The following ATP10D variants were observed in gnomAD, a reference collection of about 807,000 sequenced individuals.
ATP10D encodes the protein phospholipid-transporting ATPase VD.
In ATP10D, 89 loss-of-function variants were observed where a neutral mutation model predicts 144.8. The observed-to-expected ratio is 0.61, with a 90% CI of 0.52 to 0.73. The LOEUF is 0.73. Among genes scored for constraint, ATP10D ranks in the 30% least tolerant of loss-of-function variants. ATP10D has a pLI of 0.00. For synonymous variants in ATP10D, 571 were observed against 615.1 expected, an observed-to-expected ratio of 0.93 and a Z score of 1.06; for missense variants, 1,603 against 1,714.8, an observed-to-expected ratio of 0.93 and a Z score of 1.15.
At chr4:47,488,479 T>A (rs1372492758) in intron 1 of ATP10D, among the ~76,000 whole-genome samples, 1 of 151,976 alleles carries the variant, frequency 6.6e-6, no homozygotes, top group African/African-American at 2.4e-5. Context: ...GAAAATGTAT[T>A]CCTAGGTGGT....
Position 47,591,210 on chromosome 4 carries a change from G to A in ATP10D, c.4110G>A (p.Lys1370=), listed in dbSNP as rs752875766. 13 of 1,613,642 alleles carry A rather than the reference G, an allele frequency of 8.1e-6. No homozygotes were observed. Among genetic ancestry groups the A allele is most frequent in the Non-Finnish European group, 9.3e-6 (11 of 1,179,646 alleles). Residue 1370 remains lysine, a synonymous_variant, in exon 23 of 23, where the codon AAG becomes AAA. Transcript: ENST00000273859. ...TSKYANQSAG[K]SGRRPMPGPS... is the part of the protein sequence containing the mutation. ...AGTATGCTAACCAATCAGCTGGCAA[G>A]TCAGGAAGAAGACCCATGCCTGGCC...
At chr4:47,544,070 A>G (rs1718295391) in intron 9 of ATP10D, among the ~76,000 whole-genome samples, 1 of 152,242 alleles carries the variant, frequency 6.6e-6, no homozygotes, top group African/African-American at 2.4e-5. Context: ...TAACATATAT[A>G]GGTAGATTCA....
intron 5 of ATP10D, among the ~76,000 whole-genome samples, chr4:47,533,664 A>G (rs1475818579): frequency 6.6e-6 from 1 of 152,192 alleles, no homozygotes; most frequent in Non-Finnish European, 1.5e-5. Context: ...GTTGCTCTGT[A>G]TTTTTGCCAC....
At chr4:47,559,101 G>A (rs935074404) in intron 13 of ATP10D, 72 bp downstream of exon 13, 61 of 1,199,658 alleles carry the variant, frequency 5.1e-5, no homozygotes, top group South Asian at 1.9e-4. Context: ...GAAAACCAGC[G>A]TGTAGCAAAC....
intron 9 of ATP10D, among the ~76,000 whole-genome samples, chr4:47,545,099 G>T (rs1351697633): frequency 2.0e-5 from 3 of 152,226 alleles, no homozygotes; most frequent in Non-Finnish European, 4.4e-5. Flanking sequence ...GGGACATGGG[G>T]CTTAGATCTG....
At position 47,587,151 on chromosome 4, in the gene ATP10D, G is replaced by A; in HGVS notation, c.3886G>A (p.Asp1296Asn). 6.2e-7 allele frequency: 1 copy of A among 1,614,064 alleles called. No homozygotes were observed. The highest frequency in any genetic ancestry group is 8.5e-7 in the Non-Finnish European group (1 of 1,179,950). ...PYWIMQEHML[D>N]PVFYLVCILT... ...CTGGATTATGCAGGAGCACATGCTG[G>A]ATCCAGTATTCTACTTAGTTTGTAT... Residue 1296 changes from aspartate to asparagine, a missense_variant, in exon 22 of 23, where the codon GAT becomes AAT. Physicochemically the swap from Asp to Asn is conservative, Grantham distance 23 (BLOSUM62 1). Coordinates refer to ENST00000273859, the MANE Select transcript of ATP10D (RefSeq NM_020453.4).
rs532632251 is a variant in ATP10D, at chr4:47,569,113, C to T, written c.3130C>T (p.Arg1044Cys). 13 of 1,613,862 alleles carry T rather than the reference C, an allele frequency of 8.1e-6. No individual in the cohort carries two copies. Among genetic ancestry groups the T allele is most frequent in the African/African-American group, 5.3e-5 (4 of 75,034 alleles). The change falls in exon 16 of 23, where the codon CGC becomes TGC. Residue 1044 changes from arginine (R) to cysteine (C), a missense_variant. By Grantham distance (180) the Arg-to-Cys change is radical. Coordinates refer to ENST00000273859, the MANE Select transcript of ATP10D (RefSeq NM_020453.4). ...LQKSEVVKLVRSHLQVMTLAI... is the reference protein window; with the variant it reads ...LQKSEVVKLVCSHLQVMTLAI... ...GAAAAGTGAAGTGGTGAAATTGGTC[C>T]GCAGCCATCTCCAGGTGATGACCCT... is the stretch of plus-strand genomic sequence containing the variant.
intron 10 of ATP10D, among the ~76,000 whole-genome samples, chr4:47,549,182 T>C (rs1718595145): frequency 6.6e-6 from 1 of 152,242 alleles, no homozygotes; most frequent in South Asian, 2.1e-4. Context: ...TTTAATCTTC[T>C]GGAGTTTTTC....
chr4:47,510,857 A>G (rs769287496), intron 1 of ATP10D, among the ~76,000 whole-genome samples: 2 of 152,222 alleles, frequency 1.3e-5, no homozygotes, highest in African/African-American at 4.8e-5. Context: ...GCTTCCTTTT[A>G]AAGTTTCCAG....
chr4:47,525,752 G>A (rs2109413241), intron 5 of ATP10D, 110 bp downstream of exon 5: 1 of 907,842 alleles, frequency 1.1e-6, no homozygotes, highest in Admixed American at 2.6e-5. Flanking sequence ...ATCACTAAAG[G>A]TCGTAACTTT....
At chr4:47,572,326 G>C (rs1320665782) in intron 17 of ATP10D, 96 bp downstream of exon 17, 2 of 1,123,656 alleles carry the variant, frequency 1.8e-6, no homozygotes. Flanking sequence ...GAGTGAGGCT[G>C]TGTGTGGCTA....
intron 15 of ATP10D, among the ~76,000 whole-genome samples, chr4:47,565,033 A>T (rs1427249585): frequency 1.3e-5 from 2 of 152,204 alleles, no homozygotes; most frequent in Non-Finnish European, 2.9e-5. Context: ...ATCTCGGCTC[A>T]CTGCAAGCTC....
intron 2 of ATP10D, 120 bp downstream of exon 2, chr4:47,512,950 A>C (rs35634995): frequency 0.28 from 269,939 of 968,850 alleles, 39,782 homozygotes; most frequent in Admixed American, 0.35. Context: ...CATCCTTGAC[A>C]ATTTTGATAC....
intron 2 of ATP10D, 81 bp from the exon 3 acceptor site, chr4:47,515,395 A>G: frequency 8.7e-7 from 1 of 1,145,052 alleles, no homozygotes; most frequent in South Asian, 1.6e-5. Context: ...AAACTTACAG[A>G]AAAACAATAT....
chr4:47,543,165 G>A (rs1272186538), intron 9 of ATP10D, among the ~76,000 whole-genome samples: 2 of 151,232 alleles, frequency 1.3e-5, no homozygotes, highest in African/African-American at 4.9e-5. Flanking sequence ...ATTAGTTATT[G>A]TTGTTAATCT....
intron 9 of ATP10D, among the ~76,000 whole-genome samples, chr4:47,544,637 A>G (rs1004742400): frequency 2.0e-5 from 3 of 152,216 alleles, no homozygotes; most frequent in African/African-American, 7.2e-5. Flanking sequence ...AGAAACAGCA[A>G]GTGATTTTGC....
chr4:47,580,118 A>T (rs1353045640), intron 19 of ATP10D, among the ~76,000 whole-genome samples: 1 of 152,252 alleles, frequency 6.6e-6, no homozygotes, highest in Non-Finnish European at 1.5e-5. Context: ...GTAGGAAAGG[A>T]GAAGTTAGTA....
At chr4:47,578,879 T>A (rs28375207) in intron 19 of ATP10D, among the ~76,000 whole-genome samples, 3,126 of 152,310 alleles carry the variant, frequency 0.021, 111 homozygotes, top group African/African-American at 0.071. Flanking sequence ...ATTCCAAGTA[T>A]ATTATTCTAA....
In ATP10D at chr4:47,591,638, T is replaced by G. The variant is rs1721055198; in HGVS notation, c.*257T>G. 3 of 280,264 alleles carry G rather than the reference T, an allele frequency of 1.1e-5. No homozygotes were observed. Among genetic ancestry groups the G allele is most frequent in the Admixed American group, 5.2e-5 (1 of 19,414 alleles). 17.4% of individuals were successfully genotyped at this position (280,264 alleles called of 1,614,324 possible). ...AATGCTTTTGTAAAACTTTTTGGAT[T>G]TTGTAAAAGCATTTTCATTCTCTTA... is the stretch of plus-strand genomic sequence containing the variant. On this transcript the variant is annotated 3_prime_UTR_variant, in exon 23 of 23. Coordinates refer to ENST00000273859, the MANE Select transcript of ATP10D (RefSeq NM_020453.4).
Sources: gnomAD v4.1 joint callset for allele counts (sites outside exome capture counted in the v4.1 genomes callset) on GRCh38, gnomAD v4.1.1 for gene constraint, MANE v1.5 for transcripts, NCBI Gene and HGNC (gene_info 2026-07-23, HGNC 2026-07-21) for gene names.